THADA: variants seen among roughly 807,000 people sequenced by gnomAD.
THADA encodes the protein THADA armadillo repeat containing.
THADA carries 213 observed loss-of-function variants against 219.8 expected under a neutral mutation model. The observed-to-expected ratio is 0.97, with a 90% CI of 0.87 to 1.09. THADA has a LOEUF of 1.09. THADA is among the 50% of genes least tolerant of loss of function. THADA has a pLI of 0.00. For missense variants in THADA, 2,956 were observed against 2,311.3 expected (o/e 1.28, Z -5.72); for synonymous variants, 1,018 against 828.9 (o/e 1.23, Z -3.92).
chr2:43,275,356 TC>T (rs1189853148), intron 36 of THADA, among the ~76,000 whole-genome samples: 6 of 151,976 alleles, frequency 3.9e-5, no homozygotes, highest in Non-Finnish European at 8.8e-5. Flanking sequence ...GAGGAGGCCA[TC>T]TAAATTAGGT....
intron 10 of THADA, among the ~76,000 whole-genome samples, 156 bp from the exon 11 acceptor site, chr2:43,575,183 A>C (rs560372876): frequency 1.3e-5 from 2 of 152,382 alleles, no homozygotes; most frequent in South Asian, 2.1e-4. Context: ...AGTAAAGCCA[A>C]AACAGATCTC....
chr2:43,488,588 G>C (rs371357230), intron 25 of THADA, among the ~76,000 whole-genome samples: 1 of 152,024 alleles, frequency 6.6e-6, no homozygotes. Context: ...TTCATTTGAC[G>C]GACATTTGGG....
At chr2:43,547,760 C>T (rs888243076) in intron 20 of THADA, among the ~76,000 whole-genome samples, 3 of 152,150 alleles carry the variant, frequency 2.0e-5, no homozygotes, top group African/African-American at 4.8e-5. Context: ...TCTAGTTATA[C>T]ATTTGTCTAA....
intron 29 of THADA, 128 bp downstream of exon 29, chr2:43,397,843 G>GAA: frequency 2.6e-5 from 22 of 855,102 alleles, no homozygotes; most frequent in South Asian, 4.1e-5. Context: ...TTCGGAAGTA[G>GAA]AAAAAAAAAA....
At chr2:43,535,669 G>A (rs1694480702) in intron 21 of THADA, among the ~76,000 whole-genome samples, 1 of 87,604 alleles carries the variant, frequency 1.1e-5, no homozygotes, top group African/African-American at 5.1e-5. Flanking sequence ...GCGACACAGC[G>A]AGACTCAAAA....
intron 36 of THADA, among the ~76,000 whole-genome samples, chr2:43,274,311 GAA>G (rs1672468351): frequency 6.6e-6 from 1 of 152,220 alleles, no homozygotes; most frequent in Non-Finnish European, 1.5e-5. Flanking sequence ...ATGAATCAGT[GAA>G]AAACGCTGTC....
At chr2:43,535,742 C>T (rs1694511925) in intron 21 of THADA, among the ~76,000 whole-genome samples, 1 of 147,782 alleles carries the variant, frequency 6.8e-6, no homozygotes, top group South Asian at 2.1e-4. Context: ...ATAAATACCA[C>T]TATTCAAGTA....
At chr2:43,465,864 C>T (rs1015465222) in intron 26 of THADA, among the ~76,000 whole-genome samples, 1 of 152,170 alleles carries the variant, frequency 6.6e-6, no homozygotes, top group East Asian at 1.9e-4. Flanking sequence ...AGGGGCAAAA[C>T]TGAACTTGGT....
intron 29 of THADA, among the ~76,000 whole-genome samples, chr2:43,382,837 C>T (rs1428820290): frequency 6.6e-6 from 1 of 152,138 alleles, no homozygotes; most frequent in East Asian, 1.9e-4. Context: ...ATTTAAGTAA[C>T]ACAACACAGT....
At chr2:43,259,156 A>G (rs187530405) in intron 36 of THADA, among the ~76,000 whole-genome samples, 3 of 152,348 alleles carry the variant, frequency 2.0e-5, no homozygotes, top group East Asian at 1.9e-4. Flanking sequence ...AGCTGCCATC[A>G]ACTAAAAGCT....
At chr2:43,490,756 T>G (rs1255931036) in intron 25 of THADA, among the ~76,000 whole-genome samples, 1 of 152,192 alleles carries the variant, frequency 6.6e-6, no homozygotes, top group Non-Finnish European at 1.5e-5. Context: ...TTATGATATC[T>G]AATTTATAAA....
At chr2:43,263,189 C>A (rs1325299817) in intron 36 of THADA, among the ~76,000 whole-genome samples, 1 of 152,194 alleles carries the variant, frequency 6.6e-6, no homozygotes, top group Admixed American at 6.5e-5. Flanking sequence ...GTAGCCCATC[C>A]AACAGCTATC....
intron 30 of THADA, among the ~76,000 whole-genome samples, chr2:43,326,605 A>G (rs1398420835): frequency 6.6e-6 from 1 of 152,202 alleles, no homozygotes; most frequent in Non-Finnish European, 1.5e-5. Context: ...CAGCTGTTAC[A>G]ATGATGTGAA....
In THADA at chr2:43,574,754, AAAG is replaced by A; in HGVS notation, c.1308_1310del (p.Phe437del). 1 of 1,614,064 alleles carries A rather than the reference AAAG, an allele frequency of 6.2e-7. No homozygotes were observed. Among genetic ancestry groups the A allele is most frequent in the Non-Finnish European group, 8.5e-7 (1 of 1,179,906 alleles). On this transcript the variant is annotated inframe_deletion, in exon 11 of 38. Transcript: ENST00000405975. ...GTAAAAGACTCTCAGTCAATTCCAC[AAAG>A]AAAGGATCAGGGACGAAATCTGCAC... is the stretch of plus-strand genomic sequence containing the variant.
At chr2:43,279,442 A>G (rs140773867) in intron 36 of THADA, among the ~76,000 whole-genome samples, 2 of 152,394 alleles carry the variant, frequency 1.3e-5, no homozygotes, top group African/African-American at 4.8e-5. Context: ...ATGACAACGT[A>G]ACCAGCAAAA....
intron 31 of THADA, among the ~76,000 whole-genome samples, chr2:43,308,980 A>G (rs1677193710): frequency 6.6e-6 from 1 of 152,184 alleles, no homozygotes; most frequent in Non-Finnish European, 1.5e-5. Context: ...ATTTGACCTT[A>G]TCAAAATTAA....
At chr2:43,271,987 G>A (rs1209629542) in intron 36 of THADA, among the ~76,000 whole-genome samples, 2 of 152,206 alleles carry the variant, frequency 1.3e-5, no homozygotes, top group Non-Finnish European at 2.9e-5. Flanking sequence ...AATTAAACCA[G>A]TGGGGTGAAT....
chr2:43,508,333 G>A (rs1689965682), intron 23 of THADA, among the ~76,000 whole-genome samples: 1 of 152,214 alleles, frequency 6.6e-6, no homozygotes, highest in South Asian at 2.1e-4. Flanking sequence ...GGGTGGTGGG[G>A]TAACATGTGC....
intron 36 of THADA, among the ~76,000 whole-genome samples, chr2:43,271,686 C>T (rs1396708971): frequency 6.7e-6 from 1 of 148,676 alleles, no homozygotes; most frequent in African/African-American, 2.5e-5. Context: ...GCAATCTCAG[C>T]TCACTGCAAC....
Sources: gnomAD v4.1 joint callset for allele counts (sites outside exome capture counted in the v4.1 genomes callset) on GRCh38, gnomAD v4.1.1 for gene constraint, MANE v1.5 for transcripts, NCBI Gene and HGNC (gene_info 2026-07-23, HGNC 2026-07-21) for gene names.